The following ATM variants were observed in gnomAD, a reference collection of about 807,000 sequenced individuals.
The protein encoded by ATM is serine-protein kinase ATM.
A neutral mutation model predicts 387.0 loss-of-function variants in ATM; 308 were observed. That is an observed-to-expected ratio of 0.80 (90% confidence interval 0.73 to 0.87). The LOEUF (loss-of-function observed/expected upper bound fraction) is 0.87, where lower values mean the gene tolerates loss of function less well. Among genes scored for constraint, ATM ranks in the 40% least tolerant of loss-of-function variants. The probability of loss-of-function intolerance (pLI) is 0.00; values close to 1 mark genes in which losing one functional copy is unlikely to be tolerated. For missense variants in ATM, 3,312 were observed against 3,560.9 expected, an observed-to-expected ratio of 0.93 and a Z score of 1.78; for synonymous variants, 1,156 against 1,187.3, an observed-to-expected ratio of 0.97 and a Z score of 0.54.
chr11:108,283,018 G>A, intron 25 of ATM, 139 bp downstream of exon 25: 1 of 575,424 alleles, frequency 1.7e-6, no homozygotes, highest in Non-Finnish European at 3.0e-6. Context: ...TGAGAAGCAG[G>A]ACAGCTTCTT....
rs149955262 is a variant in ATM at position 108,244,519 on chromosome 11, C to G, written c.663-269C>G. ...GTGAAACATTTTATAAATGGTGTTA[C>G]AAATCAGTTTTGTTTATTTTTATAC... is the stretch of plus-strand genomic sequence containing the variant. On this transcript the variant is annotated intron_variant, in intron 6 of 62. Transcript: ENST00000675843. Among the ~76,000 whole-genome samples, 1,132 of 152,102 alleles carry G rather than the reference C, an allele frequency of 7.4e-3. 8 individuals are homozygous for G. The highest frequency in any genetic ancestry group is 0.024 in the African/African-American group (1,004 of 41,482).
At chr11:108,235,984 C>T in intron 5 of ATM, 150 bp downstream of exon 5, 5 of 805,254 alleles carry the variant, frequency 6.2e-6, no homozygotes, top group Non-Finnish European at 8.1e-6. Flanking sequence ...CGAACTGACC[C>T]TTAATTTTTA....
At chr11:108,261,011 C>T (rs1385072737) in intron 16 of ATM, among the ~76,000 whole-genome samples, 1 of 152,180 alleles carries the variant, frequency 6.6e-6, no homozygotes, top group African/African-American at 2.4e-5. Flanking sequence ...TCGCTGATTG[C>T]TAGCACAGCA....
At chr11:108,264,477 T>A (rs923275930) in intron 16 of ATM, among the ~76,000 whole-genome samples, 1 of 152,194 alleles carries the variant, frequency 6.6e-6, no homozygotes, top group Non-Finnish European at 1.5e-5. Flanking sequence ...TGATGGGACG[T>A]ATCTCAAAAT....
At chr11:108,345,262 G>A (rs1240850427) in intron 57 of ATM, among the ~76,000 whole-genome samples, 1 of 152,168 alleles carries the variant, frequency 6.6e-6, no homozygotes, top group Non-Finnish European at 1.5e-5. Context: ...GCACATAGAT[G>A]GAAGGGAGTT....
Position 108,345,832 on chromosome 11 carries a change from G to A in ATM, c.8508G>A (p.Met2836Ile), listed in dbSNP as rs2137032109. 1 of 1,613,868 alleles carries A rather than the reference G, an allele frequency of 6.2e-7. No homozygotes were observed. Among genetic ancestry groups the A allele is most frequent in the Non-Finnish European group, 8.5e-7 (1 of 1,179,862 alleles). Residue 2836 changes from methionine to isoleucine, a missense_variant, in exon 58 of 63, where the codon ATG becomes ATA. Met to Ile is a conservative substitution (Grantham distance 10). Coordinates refer to ENST00000675843, the MANE Select transcript of ATM (RefSeq NM_000051.4). Reference protein sequence around the residue: ...NFQPVFRYFCMEKFLDPAIWF... With the variant: ...NFQPVFRYFCIEKFLDPAIWF... ...AACCAGTTTTCCGTTACTTCTGCAT[G>A]GAAAAATTCTTGGATCCAGCTATTT...
chr11:108,255,548 C>T (rs1323808936), intron 13 of ATM, among the ~76,000 whole-genome samples: 1 of 151,304 alleles, frequency 6.6e-6, no homozygotes, highest in African/African-American at 2.4e-5. Context: ...GCCTCAGCCT[C>T]CTGAGTAGCT....
At chr11:108,295,489 G>A (rs942202552) in intron 32 of ATM, 19 of 171,032 alleles carry the variant, frequency 1.1e-4, no homozygotes, top group African/African-American at 4.3e-4. Flanking sequence ...ACTACACCTA[G>A]CTACTTTATT....
At chr11:108,315,642 T>G (rs1242797958) in intron 40 of ATM, among the ~76,000 whole-genome samples, 181 bp from the exon 41 acceptor site, 1 of 152,210 alleles carries the variant, frequency 6.6e-6, no homozygotes, top group Non-Finnish European at 1.5e-5. Context: ...CCTGCACAGT[T>G]CAAACTCGTG....
chr11:108,305,599 AC>A (rs1453981571), intron 37 of ATM, among the ~76,000 whole-genome samples: 3 of 152,082 alleles, frequency 2.0e-5, no homozygotes. Flanking sequence ...AAGAAAAAAA[AC>A]CCTTTGTATA....
In ATM at chr11:108,250,760, T is replaced by A. The variant is rs546621356; in HGVS notation, c.1295T>A (p.Leu432Gln). ...CCTGCAAGTTTACCTAACTGTGAGC[T>A]GTCTCCATTACTGATGATACTATCT... Reference protein sequence around the residue: ...KYPASLPNCELSPLLMILSQL... With the variant: ...KYPASLPNCEQSPLLMILSQL... Residue 432 changes from leucine (L) to glutamine (Q), a missense_variant, in exon 10 of 63, where the codon CTG becomes CAG. Physicochemically the swap from Leu to Gln is moderately radical, Grantham distance 113. Transcript: ENST00000675843. The A allele has an allele frequency of 6.8e-6, 11 of 1,613,358 alleles. No individual in the cohort carries two copies. In the South Asian group the frequency reaches 1.2e-4, roughly 18 times the overall value.
chr11:108,343,103 A>G (rs2136931376), intron 56 of ATM, 119 bp from the exon 57 acceptor site: 1 of 1,289,378 alleles, frequency 7.8e-7, no homozygotes. Context: ...TTCTATGGAC[A>G]GAGAAATATT....
chr11:108,364,266 T>G (rs564473365), intron 61 of ATM, among the ~76,000 whole-genome samples: 32 of 152,316 alleles, frequency 2.1e-4, no homozygotes, highest in African/African-American at 7.7e-4. Context: ...GAATCATTCT[T>G]TATATTGTCT....
chr11:108,272,427 C>A, intron 20 of ATM, 105 bp from the exon 21 acceptor site: 2 of 954,026 alleles, frequency 2.1e-6, no homozygotes, highest in Non-Finnish European at 3.3e-6. Flanking sequence ...ATAAGTTTAG[C>A]ACAGAAAGAC....
intron 59 of ATM, 84 bp downstream of exon 59, chr11:108,347,449 A>T: frequency 8.9e-7 from 1 of 1,127,694 alleles, no homozygotes; most frequent in South Asian, 1.3e-5. Context: ...AGATATTACA[A>T]ATATAAGAGA....
At chr11:108,294,824 C>A in intron 31 of ATM, 103 bp from the exon 32 acceptor site, 1 of 1,197,066 alleles carries the variant, frequency 8.4e-7, no homozygotes, top group Non-Finnish European at 1.2e-6. Flanking sequence ...AGACATGAGT[C>A]AGTGTCTATA....
chr11:108,364,847 C>A (rs1020065586), intron 61 of ATM, among the ~76,000 whole-genome samples: 2 of 152,164 alleles, frequency 1.3e-5, no homozygotes, highest in African/African-American at 2.4e-5. Flanking sequence ...AAACATGGGT[C>A]AAGGGATGTC....
At chr11:108,360,293 G>A (rs1166635937) in intron 61 of ATM, among the ~76,000 whole-genome samples, 1 of 152,044 alleles carries the variant, frequency 6.6e-6, no homozygotes, top group Admixed American at 6.5e-5. Flanking sequence ...CTGAAATTGT[G>A]GCAATAATCA....
chr11:108,356,095 A>T (rs534931133), intron 61 of ATM: 1 of 152,332 alleles, frequency 6.6e-6, no homozygotes, highest in Middle Eastern at 3.4e-3. Context: ...CATTTGTTAC[A>T]GTTTGCCATT....
Sources: gnomAD v4.1 joint callset for allele counts (sites outside exome capture counted in the v4.1 genomes callset) on GRCh38, gnomAD v4.1.1 for gene constraint, MANE v1.5 for transcripts, NCBI Gene and HGNC (gene_info 2026-07-23, HGNC 2026-07-21) for gene names.